FAM219B: variants seen among roughly 807,000 people sequenced by gnomAD.
FAM219B encodes the protein protein FAM219B.
A neutral mutation model predicts 19.9 loss-of-function variants in FAM219B; 18 were observed. The observed-to-expected ratio is 0.91, with a 90% CI of 0.63 to 1.34. FAM219B has a LOEUF of 1.34. Among genes scored for constraint, FAM219B ranks in the 40% most tolerant of loss-of-function variants. The pLI is 0.00. For missense variants in FAM219B, 283 were observed against 270.5 expected (o/e 1.05, Z -0.32); for synonymous variants, 123 against 117.5 (o/e 1.05, Z -0.30).
Position 74,902,608 on chromosome 15 carries a change from G to A in FAM219B, c.*11C>T. The A allele has an allele frequency of 6.3e-7, 1 of 1,594,058 alleles. No homozygotes were observed. The highest frequency in any genetic ancestry group is 2.2e-5 in the East Asian group (1 of 44,536). ...CTCATGGTGAGCAGGGCCCACCTTG[G>A]AGGGTAATGTCTACTGGAGGGTACA... On this transcript the variant is annotated 3_prime_UTR_variant, in exon 5 of 5. Transcript: ENST00000357635.
chr15:74,901,784 A>T lies in FAM219B; in HGVS notation c.*835T>A, dbSNP rs2141225448. 3.9e-6 allele frequency: 1 copy of T among 254,818 alleles called. No homozygotes were observed. The highest frequency in any genetic ancestry group is 1.7e-4 in the South Asian group (1 of 5,754). 15.8% of individuals were successfully genotyped at this position (254,818 alleles called of 1,614,324 possible). A position where few individuals can be genotyped will look rare whatever the true frequency, so the allele number is the denominator to read the frequency against. ...GCTCCCTCTGCTGGTAATAATAAAA[A>T]CTGCAGGCTTCTGGGGCCAGCCCCA... On this transcript the variant is annotated 3_prime_UTR_variant, in exon 5 of 5. Coordinates refer to ENST00000357635, the MANE Select transcript of FAM219B (RefSeq NM_020447.5).
At position 74,901,893 on chromosome 15, in the gene FAM219B, A is replaced by G; in HGVS notation, c.*726T>C. 7.7e-6 allele frequency: 3 copies of G among 389,058 alleles called. No homozygotes were observed. The highest frequency in any genetic ancestry group is 1.4e-5 in the Non-Finnish European group (3 of 220,624). The allele number at this position is 389,058 out of a possible 1,614,324, so 24.1% of individuals were successfully genotyped here. A position where few individuals can be genotyped will look rare whatever the true frequency, so the allele number is the denominator to read the frequency against. ...GAAATACAAATAAATAAATATGAACATGTCAGAGCAGTTTTTCTCTAACTA... is the reference window on the plus strand; with the variant it reads ...GAAATACAAATAAATAAATATGAACGTGTCAGAGCAGTTTTTCTCTAACTA... On this transcript the variant is annotated 3_prime_UTR_variant, in exon 5 of 5. Transcript: ENST00000357635.
chr15:74,906,750 T>C lies in FAM219B; in HGVS notation c.51A>G (p.Gly17=). The C allele has an allele frequency of 7.6e-7, 1 of 1,322,916 alleles. No individual in the cohort carries two copies. The highest frequency in any genetic ancestry group is 9.7e-7 in the Non-Finnish European group (1 of 1,034,426). The allele number at this position is 1,322,916 out of a possible 1,614,324, so 81.9% of individuals were successfully genotyped here. A position where few individuals can be genotyped will look rare whatever the true frequency, so the allele number is the denominator to read the frequency against. Reference sequence around the variant, plus strand: ...GGTCCCGAGCCCCGCTGGGCCGGGGTCCCGGGGTAGACAACCGCAACGCGC... The same window carrying C: ...GGTCCCGAGCCCCGCTGGGCCGGGGCCCCGGGGTAGACAACCGCAACGCGC... ...SGRALRLSTP[G]PRPSGARDRA... is the part of the protein sequence containing the mutation. Residue 17 remains glycine, a synonymous_variant, in exon 1 of 5, where the codon GGA becomes GGG. Coordinates refer to ENST00000357635, the MANE Select transcript of FAM219B (RefSeq NM_020447.5).
chr15:74,904,411 G>T (rs1317602312), intron 4 of FAM219B, among the ~76,000 whole-genome samples: 2 of 152,158 alleles, frequency 1.3e-5, no homozygotes, highest in Non-Finnish European at 2.9e-5. Flanking sequence ...CTACAGGCAT[G>T]TACCACCATG....
chr15:74,906,817 G>A lies in FAM219B; in HGVS notation c.-17C>T, dbSNP rs1275309832. 2 of 1,274,724 alleles carry A rather than the reference G, an allele frequency of 1.6e-6. No individual in the cohort carries two copies. Among genetic ancestry groups the A allele is most frequent in the Non-Finnish European group, 2.0e-6 (2 of 1,013,342 alleles). The allele number at this position is 1,274,724 out of a possible 1,614,324, so 79.0% of individuals were successfully genotyped here. On this transcript the variant is annotated 5_prime_UTR_variant, in exon 1 of 5. Transcript: ENST00000357635. ...GGTCGCCATGGCCGGGCCCCGCCCT[G>A]CCGGATGGTGCAACCCCGCCCGTGG...
rs1215999228 is a variant in FAM219B at position 74,902,505 on chromosome 15, G to C, written c.*114C>G. The C allele has an allele frequency of 8.0e-6, 9 of 1,123,596 alleles. No homozygotes were observed. In the East Asian group the frequency reaches 2.2e-4, roughly 28 times the overall value. 69.6% of individuals were successfully genotyped at this position (1,123,596 alleles called of 1,614,324 possible). On this transcript the variant is annotated 3_prime_UTR_variant, in exon 5 of 5. Transcript: ENST00000357635. ...AAGCAACAGGTAAGGGCTACCTGCA[G>C]GTCACTTTCTAGGGGTCAGTGACTT... is the stretch of plus-strand genomic sequence containing the variant.
chr15:74,902,502 G>A lies in FAM219B; in HGVS notation c.*117C>T. ...GAGAAGCAACAGGTAAGGGCTACCTGCAGGTCACTTTCTAGGGGTCAGTGA... is the reference window on the plus strand; with the variant it reads ...GAGAAGCAACAGGTAAGGGCTACCTACAGGTCACTTTCTAGGGGTCAGTGA... On this transcript the variant is annotated 3_prime_UTR_variant, in exon 5 of 5. Transcript: ENST00000357635. 2 of 1,082,524 alleles carry A rather than the reference G, an allele frequency of 1.8e-6. No individual in the cohort carries two copies. The highest frequency in any genetic ancestry group is 4.7e-5 in the South Asian group (2 of 42,852). The allele number at this position is 1,082,524 out of a possible 1,614,324, so 67.1% of individuals were successfully genotyped here.
chr15:74,904,660 T>C lies in FAM219B; in HGVS notation c.429+4A>G. 6.2e-7 allele frequency: 1 copy of C among 1,614,196 alleles called. No individual in the cohort carries two copies. The highest frequency in any genetic ancestry group is 8.5e-7 in the Non-Finnish European group (1 of 1,180,030). ...CCCTGCACAGAAAGGTGTTCTGGAC[T>C]TGCCTCTGCAGATGAATACCCGGAG... On this transcript the variant is annotated splice_donor_region_variant and intron_variant, in intron 4 of 4. Coordinates refer to ENST00000357635, the MANE Select transcript of FAM219B (RefSeq NM_020447.5).
At chr15:74,898,276 T>A (rs1595825612), downstream of FAM219B, 2 of 195,690 alleles carry the variant, frequency 1.0e-5, no homozygotes, top group East Asian at 2.3e-4. Flanking sequence ...GTTCCTAAAG[T>A]GGGCCAAAAG....
In FAM219B at chr15:74,906,725, G is replaced by C; in HGVS notation, c.76C>G (p.Arg26Gly). The C allele has an allele frequency of 1.5e-6, 2 of 1,372,212 alleles. No individual in the cohort carries two copies. Among genetic ancestry groups the C allele is most frequent in the Non-Finnish European group, 1.9e-6 (2 of 1,060,376 alleles). 85.0% of individuals were successfully genotyped at this position (1,372,212 alleles called of 1,614,324 possible). A position where few individuals can be genotyped will look rare whatever the true frequency, so the allele number is the denominator to read the frequency against. ...GGTGGCCCCGCAGCTCCCGGCGCGC[G>C]GTCCCGAGCCCCGCTGGGCCGGGGT... ...PGPRPSGARD[R>G]APGAAGPPSG... Residue 26 changes from arginine to glycine, a missense_variant, in exon 1 of 5, where the codon CGC becomes GGC. Physicochemically the swap from Arg to Gly is moderately radical, Grantham distance 125. Transcript: ENST00000357635.
chr15:74,905,087 G>C, intron 3 of FAM219B, 67 bp downstream of exon 3: 3 of 1,608,674 alleles, frequency 1.9e-6, no homozygotes, highest in Non-Finnish European at 2.5e-6. Context: ...ACAAGCAAAG[G>C]CATCAGGCGA....
chr15:74,900,437 A>G lies in FAM219B; in HGVS notation c.*2182T>C, dbSNP rs907404152. On this transcript the variant is annotated 3_prime_UTR_variant, in exon 5 of 5. Coordinates refer to ENST00000357635, the MANE Select transcript of FAM219B (RefSeq NM_020447.5). ...CCACCCTCACCCCTAGAAGCTGCTAAACACCCAGGCCATTCTGCCCTGACC... is the reference window on the plus strand; with the variant it reads ...CCACCCTCACCCCTAGAAGCTGCTAGACACCCAGGCCATTCTGCCCTGACC... 3 of 152,266 alleles carry G rather than the reference A, an allele frequency of 2.0e-5. No individual in the cohort carries two copies. In the East Asian group the frequency reaches 5.8e-4, roughly 29 times the overall value. The allele number at this position is 152,266 out of a possible 1,614,324, so 9.4% of individuals were successfully genotyped here.
chr15:74,903,306 A>G (rs1042309121), intron 4 of FAM219B, among the ~76,000 whole-genome samples: 2 of 152,170 alleles, frequency 1.3e-5, no homozygotes, highest in African/African-American at 2.4e-5. Context: ...TTCACTGAAC[A>G]TAAGAAAAAT....
chr15:74,902,859 C>A, intron 4 of FAM219B, 73 bp from the exon 5 acceptor site: 1 of 1,517,434 alleles, frequency 6.6e-7, no homozygotes, highest in Non-Finnish European at 8.9e-7. Context: ...AAGACAGAAC[C>A]ACATTCCGTT....
At position 74,901,135 on chromosome 15, in the gene FAM219B, C is replaced by A. The variant is rs915884142; in HGVS notation, c.*1484G>T. On this transcript the variant is annotated 3_prime_UTR_variant, in exon 5 of 5. Transcript: ENST00000357635. ...CTATACCCCAATCCCGACTATTGGG[C>A]TGGGAACCCTGTCTATGCCCATTCA... 1 of 152,206 alleles carries A rather than the reference C, an allele frequency of 6.6e-6. No homozygotes were observed. Among genetic ancestry groups the A allele is most frequent in the Non-Finnish European group, 1.5e-5 (1 of 68,102 alleles). The allele number at this position is 152,206 out of a possible 1,614,324, so 9.4% of individuals were successfully genotyped here.
intron 4 of FAM219B, 54 bp from the exon 5 acceptor site, chr15:74,902,840 G>T: frequency 6.4e-7 from 1 of 1,555,140 alleles, no homozygotes. Flanking sequence ...AGAAGTAACT[G>T]CTACCCAAAA....
At chr15:74,906,561 TC>T in intron 1 of FAM219B, 25 bp downstream of exon 1, 1 of 1,485,170 alleles carries the variant, frequency 6.7e-7, no homozygotes, top group Non-Finnish European at 8.9e-7. Context: ...GGGAGAAACC[TC>T]CCCCGACCAT....
intron 2 of FAM219B, 194 bp from the exon 3 acceptor site, chr15:74,905,425 CTTT>C (rs2065146770): frequency 2.0e-6 from 1 of 505,898 alleles, no homozygotes; most frequent in Admixed American, 3.2e-5. Context: ...TGTTCTCATT[CTTT>C]TTTTCTTTTT....
At position 74,901,972 on chromosome 15, in the gene FAM219B, G is replaced by A; in HGVS notation, c.*647C>T. On this transcript the variant is annotated 3_prime_UTR_variant, in exon 5 of 5. Transcript: ENST00000357635. Reference sequence around the variant, plus strand: ...CACCCGGACGGTTGGACCAGTTGGGGATGCCCCAGGTCCAGGGATTCTGGA... The same window carrying A: ...CACCCGGACGGTTGGACCAGTTGGGAATGCCCCAGGTCCAGGGATTCTGGA... The A allele has an allele frequency of 2.5e-6, 1 of 397,140 alleles. No homozygotes were observed. The highest frequency in any genetic ancestry group is 4.4e-6 in the Non-Finnish European group (1 of 225,600). 24.6% of individuals were successfully genotyped at this position (397,140 alleles called of 1,614,324 possible).
Sources: allele counts gnomAD v4.1 joint callset (sites outside exome capture counted in the v4.1 genomes callset), GRCh38; gene constraint gnomAD v4.1.1; transcripts MANE v1.5; gene names NCBI Gene and HGNC (gene_info 2026-07-23, HGNC 2026-07-21).